The following CHN2 variants were observed in gnomAD, a reference collection of about 807,000 sequenced individuals.
The protein encoded by CHN2 is chimerin 2.
CHN2 carries 35 observed loss-of-function variants against 56.3 expected under a neutral mutation model. The ratio of observed to expected loss-of-function variants is 0.62; its 90% CI spans 0.47 to 0.82. The LOEUF (loss-of-function observed/expected upper bound fraction) is 0.82. Ranked by LOEUF, CHN2 falls within the 40% of genes least tolerant of loss-of-function variation. The probability of loss-of-function intolerance (pLI) is 0.00; values close to 1 mark genes in which losing one functional copy is unlikely to be tolerated. For missense variants in CHN2, 491 were observed against 580.5 expected (o/e 0.85, Z 1.58); for synonymous variants, 210 against 212.8 (o/e 0.99, Z 0.12).
At chr7:29,325,101 T>C (rs1404581993) in intron 1 of CHN2, among the ~76,000 whole-genome samples, 1 of 152,214 alleles carries the variant, frequency 6.6e-6, no homozygotes, top group Admixed American at 6.5e-5. Context: ...TATCCATTAT[T>C]ATTTCTGGGA....
At chr7:29,389,007 A>C (rs532222729) in intron 3 of CHN2, among the ~76,000 whole-genome samples, 3 of 152,294 alleles carry the variant, frequency 2.0e-5, no homozygotes, top group South Asian at 2.1e-4. Flanking sequence ...TCACCTTGGG[A>C]AGCTCTGCTT....
chr7:29,463,683 ACT>A (rs1488691976), intron 6 of CHN2, among the ~76,000 whole-genome samples: 3 of 152,166 alleles, frequency 2.0e-5, no homozygotes, highest in East Asian at 1.9e-4. Flanking sequence ...GGGACTTTAG[ACT>A]CTCTGGCACC....
intron 7 of CHN2, among the ~76,000 whole-genome samples, chr7:29,485,875 T>G (rs560461052): frequency 6.6e-6 from 1 of 152,152 alleles, no homozygotes; most frequent in Non-Finnish European, 1.5e-5. Flanking sequence ...GGGATCTGCA[T>G]CACTCTTTCC....
chr7:29,293,861 T>C (rs1372961371), intron 1 of CHN2, among the ~76,000 whole-genome samples: 2 of 112,094 alleles, frequency 1.8e-5, no homozygotes, highest in African/African-American at 3.7e-5. Context: ...CTGGGAATTT[T>C]TTTTTTTTTT....
chr7:29,303,477 C>T (rs1187649791), intron 1 of CHN2, among the ~76,000 whole-genome samples: 1 of 152,188 alleles, frequency 6.6e-6, no homozygotes, highest in Non-Finnish European at 1.5e-5. Flanking sequence ...GTGCCATGCC[C>T]CCTTCCCTCT....
chr7:29,371,344 G>A (rs1203147989), intron 3 of CHN2, among the ~76,000 whole-genome samples: 1 of 152,206 alleles, frequency 6.6e-6, no homozygotes, highest in Non-Finnish European at 1.5e-5. Flanking sequence ...AGCCAGGCAG[G>A]ATCAGGTCGT....
At chr7:29,353,059 C>T (rs1217611304) in intron 1 of CHN2, among the ~76,000 whole-genome samples, 10 of 152,168 alleles carry the variant, frequency 6.6e-5, no homozygotes, top group Non-Finnish European at 1.2e-4. Flanking sequence ...CCATCACTAA[C>T]GCACTGACTG....
chr7:29,299,389 AGTGCT>A (rs1793463243), intron 1 of CHN2, among the ~76,000 whole-genome samples: 1 of 152,224 alleles, frequency 6.6e-6, no homozygotes, highest in Non-Finnish European at 1.5e-5. Context: ...CCCCATAGGC[AGTGCT>A]GTCTGGGAGA....
At chr7:29,378,844 A>G (rs1185313399) in intron 3 of CHN2, among the ~76,000 whole-genome samples, 3 of 152,252 alleles carry the variant, frequency 2.0e-5, no homozygotes, top group African/African-American at 4.8e-5. Flanking sequence ...ACATGCCTGT[A>G]GTACCAGCTA....
At chr7:29,415,994 A>G (rs553719335) in intron 6 of CHN2, among the ~76,000 whole-genome samples, 2 of 152,194 alleles carry the variant, frequency 1.3e-5, no homozygotes, top group East Asian at 3.9e-4. Context: ...GGGTTTGGGG[A>G]GAAGAGTGGG....
chr7:29,212,569 G>A (rs187012859), intron 1 of CHN2: 3 of 1,444,946 alleles, frequency 2.1e-6, no homozygotes, highest in African/African-American at 1.4e-5. Context: ...AGGGAGACGA[G>A]GTCCCAGTCA....
intron 12 of CHN2, among the ~76,000 whole-genome samples, chr7:29,511,071 C>G (rs989719216): frequency 2.8e-5 from 4 of 143,176 alleles, no homozygotes; most frequent in Non-Finnish European, 4.6e-5. Flanking sequence ...GCAGCCCATT[C>G]TTTGATAAAA....
At chr7:29,343,366 A>G (rs961366187) in intron 1 of CHN2, among the ~76,000 whole-genome samples, 9 of 152,126 alleles carry the variant, frequency 5.9e-5, no homozygotes, top group African/African-American at 2.2e-4. Flanking sequence ...ACCAAATTGA[A>G]GCTCCTGTGT....
Position 29,442,934 on chromosome 7 carries a change from C to CTTTTTTTTTTTTTTTTTTTTT in CHN2, c.577-37328_577-37327insTTTTTTTTTTTTTTTTTTTTT, listed in dbSNP as rs541792526. Among the ~76,000 whole-genome samples the CTTTTTTTTTTTTTTTTTTTTT allele has an allele frequency of 4.8e-4, 49 of 103,054 alleles. 4 individuals are homozygous for CTTTTTTTTTTTTTTTTTTTTT. The highest frequency in any genetic ancestry group is 7.5e-4 in the Non-Finnish European group (41 of 54,738). 67.6% of individuals were successfully genotyped at this position (103,054 alleles called of 152,430 possible). A position where few individuals can be genotyped will look rare whatever the true frequency, so the allele number is the denominator to read the frequency against. Reference sequence around the variant, plus strand: ...CATCGCTTTCAATTTCATTGAATTTCTTTTTTTTTTTTTTTTTGAGACGGA... The same window carrying CTTTTTTTTTTTTTTTTTTTTT: ...CATCGCTTTCAATTTCATTGAATTTCTTTTTTTTTTTTTTTTTTTTTTTTTTTTTTTTTTTTTTGAGACGGA... On this transcript the variant is annotated intron_variant, in intron 6 of 12. Transcript: ENST00000222792.
chr7:29,321,480 C>T (rs1055153445), intron 1 of CHN2, among the ~76,000 whole-genome samples: 12 of 152,056 alleles, frequency 7.9e-5, no homozygotes, highest in African/African-American at 2.9e-4. Flanking sequence ...TCACCCAGCT[C>T]ATGAGTAGTA....
chr7:29,473,470 G>GTTTTGTT (rs1554298946), intron 6 of CHN2, among the ~76,000 whole-genome samples: 1 of 93,528 alleles, frequency 1.1e-5, no homozygotes, highest in Non-Finnish European at 2.0e-5. Context: ...GTGTGTTTGT[G>GTTTTGTT]TTTTTTTTTT....
intron 6 of CHN2, among the ~76,000 whole-genome samples, chr7:29,437,491 G>T (rs1444613052): frequency 5.4e-4 from 69 of 127,752 alleles, no homozygotes; most frequent in African/African-American, 7.6e-4. Context: ...CCAGCTACTC[G>T]GGAGGCTGAG....
chr7:29,507,788 G>C (rs1424348285), intron 11 of CHN2, among the ~76,000 whole-genome samples: 1 of 152,038 alleles, frequency 6.6e-6, no homozygotes, highest in African/African-American at 2.4e-5. Context: ...ATTAATGATA[G>C]CTTTAATGAT....
intron 1 of CHN2, among the ~76,000 whole-genome samples, chr7:29,312,852 G>A (rs1293168448): frequency 6.6e-6 from 1 of 152,002 alleles, no homozygotes; most frequent in Non-Finnish European, 1.5e-5. Flanking sequence ...CAAAATACCA[G>A]CTTAAAATAT....
Sources: allele counts gnomAD v4.1 joint callset (sites outside exome capture counted in the v4.1 genomes callset), GRCh38; gene constraint gnomAD v4.1.1; transcripts MANE v1.5; gene names NCBI Gene and HGNC (gene_info 2026-07-23, HGNC 2026-07-21).